JADE3: variants seen among roughly 807,000 people sequenced by gnomAD.
JADE3 encodes the protein protein Jade-3.
A neutral mutation model predicts 50.1 loss-of-function variants in JADE3; 2 were observed. That is an observed-to-expected ratio of 0.04 (90% CI 0.02 to 0.13). The LOEUF is 0.13. Among genes scored for constraint, JADE3 ranks in the 10% least tolerant of loss-of-function variants. JADE3 has a pLI of 1.00. For missense variants in JADE3, 475 were observed against 634.4 expected (o/e 0.75, Z 2.70); for synonymous variants, 218 against 232.9 (o/e 0.94, Z 0.58).
rs1473743184 is a variant in JADE3 at position 47,007,805 on chromosome X, TTTTGTGTGTGTGTGTG to T, written c.284+9530_284+9545del. On this transcript the variant is annotated intron_variant, in intron 4 of 10. Transcript: ENST00000614628. ...GTTAGGACTTCAGCGTGTCCTTTTA[TTTTGTGTGTGTGTGTG>T]TGTGTGTGTGTGTGTGTGTGTGTGT... Among the ~76,000 whole-genome samples the T allele has an allele frequency of 2.0e-4, 16 of 79,841 alleles. 1 individual carries two copies. Among genetic ancestry groups the T allele is most frequent in the East Asian group, 7.7e-4 (2 of 2,583 alleles). 69.3% of individuals were successfully genotyped at this position (79,841 alleles called of 115,157 possible). A position where few individuals can be genotyped will look rare whatever the true frequency, so the allele number is the denominator to read the frequency against.
At chrX:46,991,043 T>TCC (rs1200480004) in intron 3 of JADE3, among the ~76,000 whole-genome samples, 8 of 5,306 alleles carry the variant, frequency 1.5e-3, no homozygotes, top group Non-Finnish European at 2.4e-3. Context: ...TTTCCTTCCT[T>TCC]CCCTCCCTCC....
At chrX:47,008,691 A>G (rs376457207) in intron 4 of JADE3, among the ~76,000 whole-genome samples, 2 of 111,630 alleles carry the variant, frequency 1.8e-5, no homozygotes, top group South Asian at 7.5e-4. Context: ...TCATTTTTAC[A>G]GTATCATACC....
chrX:46,948,309 T>C (rs1389291516), intron 1 of JADE3, among the ~76,000 whole-genome samples: 1 of 112,391 alleles, frequency 8.9e-6, no homozygotes, highest in African/African-American at 3.2e-5. Flanking sequence ...GACCTACACC[T>C]TTGTCCTGGA....
chrX:47,027,866 G>A, intron 5 of JADE3, 26 bp from the exon 6 acceptor site: 1 of 1,169,811 alleles, frequency 8.5e-7, no homozygotes. Context: ...CTGATGGGTT[G>A]ATTGATTGTT....
chrX:46,997,043 T>C (rs1928145264), intron 3 of JADE3, among the ~76,000 whole-genome samples: 1 of 112,215 alleles, frequency 8.9e-6, no homozygotes, highest in African/African-American at 3.2e-5. Flanking sequence ...TTGTAATCAA[T>C]TGATATATTT....
At chrX:46,975,714 C>CTTTTTTTTTTTTTTTTTTT (rs782578317) in intron 1 of JADE3, among the ~76,000 whole-genome samples, 15 of 40,516 alleles carry the variant, frequency 3.7e-4, no homozygotes, top group African/African-American at 6.7e-4. Context: ...TTTTCTTTTT[C>CTTTTTTTTTTTTTTTTTTT]TTTTTTTTTT....
chrX:46,954,490 A>G (rs1256735107), intron 1 of JADE3, among the ~76,000 whole-genome samples: 1 of 112,244 alleles, frequency 8.9e-6, no homozygotes, highest in Non-Finnish European at 1.9e-5. Flanking sequence ...GGCAGAGCAC[A>G]TGTTTTTATG....
intron 3 of JADE3, among the ~76,000 whole-genome samples, chrX:46,991,082 C>CG (rs1927993279): frequency 3.1e-5 from 1 of 32,510 alleles, no homozygotes; most frequent in African/African-American, 7.4e-5. Context: ...CCCCCCCCCC[C>CG]CCCACTTTCT....
At chrX:46,994,334 TCTGGA>T (rs1353539118) in intron 3 of JADE3, among the ~76,000 whole-genome samples, 1 of 112,172 alleles carries the variant, frequency 8.9e-6, no homozygotes, top group African/African-American at 3.2e-5. Context: ...TGGCATAGCT[TCTGGA>T]CTGTATGTTA....
Position 47,060,951 on chromosome X carries a change from C to T in JADE3, c.*1874C>T, listed in dbSNP as rs1929766005. The T allele has an allele frequency of 8.9e-6, 1 of 111,989 alleles. No homozygotes were observed. Among genetic ancestry groups the T allele is most frequent in the South Asian group, 3.7e-4 (1 of 2,674 alleles). The allele number at this position is 111,989 out of a possible 1,213,427, so 9.2% of individuals were successfully genotyped here. The stretch of plus-strand genomic sequence containing the variant: ...ATCAAAACAGTGCTTCAGCCAAATT[C>T]CATATGTAATGCCATTGGGAGAGTA... On this transcript the variant is annotated 3_prime_UTR_variant, in exon 11 of 11. Coordinates refer to ENST00000614628, the MANE Select transcript of JADE3 (RefSeq NM_014735.5).
chrX:47,019,358 G>C (rs1440439088), intron 4 of JADE3, among the ~76,000 whole-genome samples: 4 of 111,449 alleles, frequency 3.6e-5, no homozygotes, highest in African/African-American at 1.3e-4. Context: ...TCCTAGAGTT[G>C]TTATTACAGT....
At position 47,005,834 on chromosome X, in the gene JADE3, A is replaced by G. The variant is rs917361126; in HGVS notation, c.284+7557A>G. 1.3e-4 allele frequency among the ~76,000 whole-genome samples: 15 copies of G among 111,772 alleles called. No homozygotes were observed. The East Asian group carries it at 3.1e-3, about 23-fold the overall frequency. On this transcript the variant is annotated intron_variant, in intron 4 of 10. Coordinates refer to ENST00000614628, the MANE Select transcript of JADE3 (RefSeq NM_014735.5). Reference sequence around the variant, plus strand: ...GGGCTGAAACTCTCAGCCCCACCCAACAGTAACAGGGATGTTGACACAGGC... The same window carrying G: ...GGGCTGAAACTCTCAGCCCCACCCAGCAGTAACAGGGATGTTGACACAGGC...
chrX:46,912,613 G>A lies in JADE3; in HGVS notation c.-118G>A, dbSNP rs1178216611. The A allele has an allele frequency of 3.6e-5, 4 of 110,199 alleles. No individual in the cohort carries two copies. Among genetic ancestry groups the A allele is most frequent in the African/African-American group, 1.3e-4 (4 of 30,609 alleles). 9.1% of individuals were successfully genotyped at this position (110,199 alleles called of 1,213,427 possible). On this transcript the variant is annotated 5_prime_UTR_variant, in exon 1 of 11. Coordinates refer to ENST00000614628, the MANE Select transcript of JADE3 (RefSeq NM_014735.5). ...GGCAGGTGCGAGGGAGGGAAGAGAA[G>A]AAAGCGAGCGGTTAGGGGGGCGGTT...
intron 1 of JADE3, among the ~76,000 whole-genome samples, chrX:46,947,778 G>A (rs782522667): frequency 5.6e-4 from 62 of 111,591 alleles, no homozygotes; most frequent in African/African-American, 1.8e-3. Context: ...GTACCGTGCC[G>A]TTTGGTCCAT....
intron 3 of JADE3, among the ~76,000 whole-genome samples, chrX:46,987,817 T>G (rs782559828): frequency 1.8e-5 from 2 of 112,018 alleles, no homozygotes; most frequent in Non-Finnish European, 3.8e-5. Flanking sequence ...GCAGTGGTAA[T>G]AGTAGTCTTT....
intron 1 of JADE3, among the ~76,000 whole-genome samples, chrX:46,956,257 G>A (rs781932816): frequency 1.7e-4 from 19 of 111,504 alleles, no homozygotes; most frequent in African/African-American, 5.9e-4. Flanking sequence ...TAGACAAGGG[G>A]TTTCACCATG....
chrX:46,945,565 A>G (rs983192872), intron 1 of JADE3, among the ~76,000 whole-genome samples: 3 of 111,146 alleles, frequency 2.7e-5, no homozygotes, highest in Admixed American at 1.9e-4. Flanking sequence ...TACTCAACTA[A>G]GGGTACTAGT....
intron 4 of JADE3, among the ~76,000 whole-genome samples, chrX:47,010,067 T>G (rs781942219): frequency 9.0e-6 from 1 of 111,492 alleles, no homozygotes; most frequent in East Asian, 2.8e-4. Context: ...AAGTGATGTT[T>G]TAAATCAAAA....
At chrX:46,934,537 A>T (rs920081093) in intron 1 of JADE3, among the ~76,000 whole-genome samples, 3 of 111,001 alleles carry the variant, frequency 2.7e-5, no homozygotes, top group African/African-American at 9.8e-5. Context: ...TGACCTCGTG[A>T]TCTGCCCGCC....
Sources: allele counts gnomAD v4.1 joint callset (sites outside exome capture counted in the v4.1 genomes callset), GRCh38; gene constraint gnomAD v4.1.1; transcripts MANE v1.5; gene names NCBI Gene and HGNC (gene_info 2026-07-23, HGNC 2026-07-21).